The following BCKDHB variants were observed in gnomAD, a reference collection of about 807,000 sequenced individuals.
BCKDHB encodes branched chain keto acid dehydrogenase E1 subunit beta.
In BCKDHB, 41 loss-of-function variants were observed where a neutral mutation model predicts 48.5. The observed-to-expected ratio is 0.85, with a 90% confidence interval of 0.66 to 1.10. The LOEUF is 1.10. Ranked by LOEUF, BCKDHB falls within the 50% of genes least tolerant of loss-of-function variation. The probability of loss-of-function intolerance (pLI) is 0.00; values close to 1 mark genes in which losing one functional copy is unlikely to be tolerated. For missense variants in BCKDHB, 496 were observed against 494.2 expected (o/e 1.00, Z -0.03); for synonymous variants, 201 against 174.8 (o/e 1.15, Z -1.18).
the BCKDHB span, among the ~76,000 whole-genome samples, chr6:80,418,407 C>A: frequency 6.6e-6 from 1 of 152,298 alleles, no homozygotes; most frequent in Admixed American, 6.5e-5. Context: ...TTCTTTCTCA[C>A]CTTTGTGGGT....
chr6:80,260,034 A>G (rs927003241), intron 8 of BCKDHB, among the ~76,000 whole-genome samples: 2 of 152,118 alleles, frequency 1.3e-5, no homozygotes, highest in African/African-American at 4.8e-5. Context: ...GGTTACTTTC[A>G]TGGTATCACC....
At chr6:80,323,876 C>T (rs931411802) in intron 9 of BCKDHB, among the ~76,000 whole-genome samples, 2 of 152,128 alleles carry the variant, frequency 1.3e-5, no homozygotes, top group African/African-American at 4.8e-5. Flanking sequence ...GGGTTCACGC[C>T]ATTCTCCTGT....
Position 80,168,872 on chromosome 6 carries a change from C to G in BCKDHB, c.478-3C>G, listed in dbSNP as rs1178112056. ...ATGCCCCGTCTTTCTTTCTGACCCT[C>G]AGATTGTTAATGAAGCTGCCAAGTA... On this transcript the variant is annotated splice_region_variant and splice_polypyrimidine_tract_variant and intron_variant, in intron 4 of 9. Coordinates refer to ENST00000320393, the MANE Select transcript of BCKDHB (RefSeq NM_183050.4). 6.2e-7 allele frequency: 1 copy of G among 1,614,004 alleles called. No homozygotes were observed. Among genetic ancestry groups the G allele is most frequent in the Non-Finnish European group, 8.5e-7 (1 of 1,179,966 alleles).
At chr6:80,390,488 G>C in the BCKDHB span, among the ~76,000 whole-genome samples, 1 of 152,144 alleles carries the variant, frequency 6.6e-6, no homozygotes, top group Non-Finnish European at 1.5e-5. Flanking sequence ...TTAAAAACAT[G>C]TTTGTGCATG....
intron 9 of BCKDHB, among the ~76,000 whole-genome samples, chr6:80,285,620 G>C (rs1022112151): frequency 6.6e-6 from 1 of 152,056 alleles, no homozygotes; most frequent in African/African-American, 2.4e-5. Flanking sequence ...CAACTTTCCG[G>C]GCAGTGTCCT....
At chr6:80,161,288 A>C (rs1562097690) in intron 3 of BCKDHB, among the ~76,000 whole-genome samples, 1 of 152,078 alleles carries the variant, frequency 6.6e-6, no homozygotes, top group Non-Finnish European at 1.5e-5. Context: ...AGGAATATTA[A>C]TTTTTTATAC....
At chr6:80,404,308 C>A in the BCKDHB span, among the ~76,000 whole-genome samples, 1 of 151,816 alleles carries the variant, frequency 6.6e-6, no homozygotes. Flanking sequence ...GTCTTAGGAA[C>A]TTGGATGTTT....
At chr6:80,411,465 G>A in the BCKDHB span, among the ~76,000 whole-genome samples, 89 of 152,328 alleles carry the variant, frequency 5.8e-4, no homozygotes, top group East Asian at 0.01. Context: ...GAGCTCAAAC[G>A]CTGTGCTGGG....
intron 9 of BCKDHB, among the ~76,000 whole-genome samples, chr6:80,307,269 A>G (rs759873550): frequency 7.9e-5 from 12 of 152,142 alleles, no homozygotes; most frequent in Non-Finnish European, 1.6e-4. Context: ...TTATTTGTAA[A>G]CTGAGGATGA....
At chr6:80,109,703 A>C (rs780227292) in intron 1 of BCKDHB, among the ~76,000 whole-genome samples, 34 of 152,320 alleles carry the variant, frequency 2.2e-4, no homozygotes, top group Non-Finnish European at 3.7e-4. Context: ...ATGTATTTAC[A>C]TATTTTTAAA....
intron 8 of BCKDHB, among the ~76,000 whole-genome samples, chr6:80,218,733 A>G (rs912045111): frequency 1.3e-5 from 2 of 152,264 alleles, no homozygotes; most frequent in South Asian, 2.1e-4. Context: ...CTCTACTCCT[A>G]TATCCACTGT....
chr6:80,445,967 A>C, the BCKDHB span, among the ~76,000 whole-genome samples: 1 of 152,182 alleles, frequency 6.6e-6, no homozygotes, highest in Admixed American at 6.5e-5. Flanking sequence ...CTGGAAAATC[A>C]AATGCTCAGG....
chr6:80,277,420 A>G (rs1489997332), intron 9 of BCKDHB, among the ~76,000 whole-genome samples: 1 of 152,064 alleles, frequency 6.6e-6, no homozygotes, highest in Non-Finnish European at 1.5e-5. Flanking sequence ...TTTAAATATT[A>G]AGACCAAATA....
intron 3 of BCKDHB, among the ~76,000 whole-genome samples, chr6:80,167,200 A>G (rs1283443672): frequency 2.0e-5 from 3 of 150,822 alleles, no homozygotes; most frequent in Non-Finnish European, 3.0e-5. Context: ...AGTGACATCA[A>G]CTTTCTTTTG....
At chr6:80,155,690 T>G (rs1378176984) in intron 3 of BCKDHB, among the ~76,000 whole-genome samples, 1 of 152,138 alleles carries the variant, frequency 6.6e-6, no homozygotes, top group East Asian at 1.9e-4. Context: ...AAGAACACGT[T>G]TTTACCCCTT....
At chr6:80,420,549 A>G in the BCKDHB span, among the ~76,000 whole-genome samples, 5,562 of 152,238 alleles carry the variant, frequency 0.037, 355 homozygotes, top group African/African-American at 0.13. Flanking sequence ...AGATCTGTAC[A>G]TGCTGTTGAG....
chr6:80,213,722 A>T (rs1185927624), intron 8 of BCKDHB, among the ~76,000 whole-genome samples: 2 of 148,862 alleles, frequency 1.3e-5, no homozygotes, highest in African/African-American at 2.5e-5. Context: ...AAATATCTTC[A>T]TTTCTGTTCC....
rs1770086621 is a variant in BCKDHB at position 80,344,376 on chromosome 6, T to G, written c.*572T>G. 6.5e-6 allele frequency: 1 copy of G among 153,978 alleles called. No individual in the cohort carries two copies. Among genetic ancestry groups the G allele is most frequent in the Non-Finnish European group, 1.4e-5 (1 of 71,622 alleles). 9.5% of individuals were successfully genotyped at this position (153,978 alleles called of 1,614,324 possible). A position where few individuals can be genotyped will look rare whatever the true frequency, so the allele number is the denominator to read the frequency against. On this transcript the variant is annotated 3_prime_UTR_variant, in exon 10 of 10. Transcript: ENST00000320393. ...TTTTTTTTTTTTTTGAGACCGAGTC[T>G]CACTCTGTCACCAGGCTGGAGTGCA...
intron 6 of BCKDHB, among the ~76,000 whole-genome samples, chr6:80,196,276 C>A (rs1255238230): frequency 3.9e-5 from 6 of 152,112 alleles, no homozygotes; most frequent in African/African-American, 1.4e-4. Context: ...TATACACAAG[C>A]ATAAACATGG....
Sources: gnomAD v4.1 joint callset for allele counts (sites outside exome capture counted in the v4.1 genomes callset) on GRCh38, gnomAD v4.1.1 for gene constraint, MANE v1.5 for transcripts, NCBI Gene and HGNC (gene_info 2026-07-23, HGNC 2026-07-21) for gene names.